Variants in RIC1 observed in about 807,000 individuals in gnomAD.
RIC1 encodes RIC1 partner of RAB6A GEF complex.
Under a neutral mutation model 169.0 loss-of-function variants are expected in RIC1, and 88 were observed. That is an observed-to-expected ratio of 0.52 (90% confidence interval 0.44 to 0.62). The LOEUF is 0.62. Ranked by LOEUF, RIC1 falls within the 20% of genes least tolerant of loss-of-function variation. The pLI, the probability that RIC1 is intolerant of heterozygous loss-of-function variation, is 0.00. For synonymous variants in RIC1, 790 were observed against 601.5 expected, an observed-to-expected ratio of 1.31 and a Z score of -4.59; for missense variants, 1,877 against 1,725.5, an observed-to-expected ratio of 1.09 and a Z score of -1.56.
rs200510284 is a variant in RIC1, at chr9:5,746,035, C to A, written c.1200C>A (p.Ile400=). 1.8e-4 allele frequency: 289 copies of A among 1,613,552 alleles called. No individual in the cohort carries two copies. Among genetic ancestry groups the A allele is most frequent in the Non-Finnish European group, 2.2e-4 (256 of 1,179,560 alleles). ...GGAGTGTAGTTAAACAGCCCAGCATCCTGTTATTTCAGTTTATTAAGAGTG... is the reference window on the plus strand; with the variant it reads ...GGAGTGTAGTTAAACAGCCCAGCATACTGTTATTTCAGTTTATTAAGAGTG... ...DLRSVVKQPS[I]LLFQFIKSVL... is the part of the protein sequence containing the mutation. Residue 400 remains isoleucine, a synonymous_variant, in exon 11 of 26, where the codon ATC becomes ATA. Transcript: ENST00000414202.
At chr9:5,667,056 G>C (rs1210538104) in intron 2 of RIC1, among the ~76,000 whole-genome samples, 2 of 152,122 alleles carry the variant, frequency 1.3e-5, no homozygotes, top group East Asian at 3.8e-4. Flanking sequence ...TGGATGTGAT[G>C]GCTCATGTCT....
intron 19 of RIC1, among the ~76,000 whole-genome samples, chr9:5,764,391 A>G (rs2131103295): frequency 6.6e-6 from 1 of 152,346 alleles, no homozygotes; most frequent in Non-Finnish European, 1.5e-5. Context: ...CTGCCACAGC[A>G]AAGACCCTCA....
intron 2 of RIC1, among the ~76,000 whole-genome samples, chr9:5,662,910 T>G (rs189609123): frequency 2.0e-5 from 3 of 152,322 alleles, no homozygotes; most frequent in Non-Finnish European, 4.4e-5. Context: ...TCTAGTTCTC[T>G]TAGTTGTGGT....
Position 5,774,844 on chromosome 9 carries a change from T to C in RIC1, c.*598T>C, listed in dbSNP as rs551778355. 5.2e-5 allele frequency: 8 copies of C among 152,392 alleles called. No homozygotes were observed. In the East Asian group the frequency reaches 1.5e-3, roughly 29 times the overall value. The allele number at this position is 152,392 out of a possible 1,614,324, so 9.4% of individuals were successfully genotyped here. A position where few individuals can be genotyped will look rare whatever the true frequency, so the allele number is the denominator to read the frequency against. On this transcript the variant is annotated 3_prime_UTR_variant, in exon 26 of 26. Coordinates refer to ENST00000414202, the MANE Select transcript of RIC1 (RefSeq NM_020829.4). ...TGGAAGCTATTTACCTGTGAGTTAA[T>C]GTGCTTGTTTTAGCAAGCTTGATTC... is the stretch of plus-strand genomic sequence containing the variant.
At chr9:5,693,439 C>T (rs909164617) in intron 3 of RIC1, among the ~76,000 whole-genome samples, 18 of 152,122 alleles carry the variant, frequency 1.2e-4, no homozygotes, top group Admixed American at 5.2e-4. Context: ...CAGTCTATAA[C>T]AATGGTGGCA....
chr9:5,682,358 G>T (rs531871279), intron 2 of RIC1, among the ~76,000 whole-genome samples: 1 of 152,010 alleles, frequency 6.6e-6, no homozygotes, highest in Admixed American at 6.5e-5. Flanking sequence ...GGCCTGGTGG[G>T]GACAAAATCT....
At chr9:5,687,844 T>C (rs1821344919) in intron 2 of RIC1, among the ~76,000 whole-genome samples, 1 of 152,222 alleles carries the variant, frequency 6.6e-6, no homozygotes, top group South Asian at 2.1e-4. Flanking sequence ...GCGGAGACTC[T>C]GTTTATATGT....
chr9:5,635,330 C>T (rs866112853), intron 1 of RIC1, among the ~76,000 whole-genome samples: 1 of 152,102 alleles, frequency 6.6e-6, no homozygotes, highest in Non-Finnish European at 1.5e-5. Flanking sequence ...TTCCTTCCCC[C>T]TCCGTCTTTA....
intron 3 of RIC1, among the ~76,000 whole-genome samples, chr9:5,695,422 C>T (rs1178241816): frequency 6.6e-6 from 1 of 152,084 alleles, no homozygotes; most frequent in Admixed American, 6.6e-5. Flanking sequence ...TGAGTTTATT[C>T]ACTCTTCCTG....
intron 2 of RIC1, among the ~76,000 whole-genome samples, chr9:5,685,539 T>C (rs1312276273): frequency 6.7e-6 from 1 of 149,998 alleles, no homozygotes; most frequent in Non-Finnish European, 1.5e-5. Context: ...GATTCCCTAT[T>C]TAATAAATGG....
chr9:5,758,411 C>A (rs192924678), intron 17 of RIC1, among the ~76,000 whole-genome samples: 1 of 152,154 alleles, frequency 6.6e-6, no homozygotes, highest in Admixed American at 6.5e-5. Context: ...CCTCAACACT[C>A]CATAAAATAA....
intron 2 of RIC1, among the ~76,000 whole-genome samples, chr9:5,673,532 G>GCA (rs1554663191): frequency 5.0e-5 from 3 of 60,062 alleles, no homozygotes; most frequent in African/African-American, 3.9e-4. Context: ...CAAAACATAA[G>GCA]GAGATATATA....
intron 1 of RIC1, among the ~76,000 whole-genome samples, chr9:5,630,632 C>A (rs930675039): frequency 5.9e-5 from 9 of 152,156 alleles, no homozygotes; most frequent in African/African-American, 2.2e-4. Flanking sequence ...TATTTGCCAT[C>A]AAGTTTTGGC....
At chr9:5,730,372 C>G (rs1354310725) in intron 6 of RIC1, among the ~76,000 whole-genome samples, 1 of 152,112 alleles carries the variant, frequency 6.6e-6, no homozygotes, top group Non-Finnish European at 1.5e-5. Flanking sequence ...ATATTTAAGC[C>G]TACAATGAAC....
chr9:5,718,451 A>T (rs1198494203), intron 4 of RIC1, among the ~76,000 whole-genome samples: 4 of 152,184 alleles, frequency 2.6e-5, no homozygotes, highest in Non-Finnish European at 5.9e-5. Context: ...CCCTTTAGTC[A>T]TTTACAGCAT....
intron 1 of RIC1, among the ~76,000 whole-genome samples, chr9:5,644,491 G>A (rs1818405348): frequency 6.6e-6 from 1 of 152,194 alleles, no homozygotes; most frequent in Non-Finnish European, 1.5e-5. Flanking sequence ...ATCAGCTAAA[G>A]AATGTGCATT....
chr9:5,764,520 T>C (rs74443433), intron 19 of RIC1, among the ~76,000 whole-genome samples: 1 of 152,234 alleles, frequency 6.6e-6, no homozygotes, highest in African/African-American at 2.4e-5. Context: ...TTAAAGATTC[T>C]TTCCAGTTAC....
chr9:5,681,065 A>G (rs1358886107), intron 2 of RIC1, among the ~76,000 whole-genome samples: 1 of 151,306 alleles, frequency 6.6e-6, no homozygotes, highest in Non-Finnish European at 1.5e-5. Context: ...TGACCTCGTG[A>G]TCCGCCCGCC....
intron 1 of RIC1, 118 bp downstream of exon 1, chr9:5,629,571 C>T: frequency 1.8e-6 from 2 of 1,122,724 alleles, no homozygotes; most frequent in South Asian, 3.8e-5. Context: ...ACCCACCTGC[C>T]TTCGCAGTCC....
Sources: gnomAD v4.1 joint callset for allele counts (sites outside exome capture counted in the v4.1 genomes callset) on GRCh38, gnomAD v4.1.1 for gene constraint, MANE v1.5 for transcripts, NCBI Gene and HGNC (gene_info 2026-07-23, HGNC 2026-07-21) for gene names.